XRCC4: variants seen among roughly 807,000 people sequenced by gnomAD.
The protein encoded by XRCC4 is DNA repair protein XRCC4.
Under a neutral mutation model 39.1 loss-of-function variants are expected in XRCC4, and 28 were observed. The ratio of observed to expected loss-of-function variants is 0.72; its 90% CI spans 0.53 to 0.98. The LOEUF (loss-of-function observed/expected upper bound fraction) is 0.98, where lower values mean the gene tolerates loss of function less well. XRCC4 is among the 50% of genes least tolerant of loss of function. The pLI, the probability that XRCC4 is intolerant of heterozygous loss-of-function variation, is 0.00. For synonymous variants in XRCC4, 123 were observed against 126.4 expected (o/e 0.97, Z 0.18); for missense variants, 350 against 376.4 (o/e 0.93, Z 0.58).
chr5:83,166,876 T>C (rs1749505582), intron 3 of XRCC4, among the ~76,000 whole-genome samples: 1 of 151,818 alleles, frequency 6.6e-6, no homozygotes, highest in Admixed American at 6.6e-5. Flanking sequence ...TCATTGTGGG[T>C]TTTGGGTTTT....
intron 7 of XRCC4, among the ~76,000 whole-genome samples, chr5:83,352,726 A>G (rs1757116639): frequency 6.6e-6 from 1 of 152,228 alleles, no homozygotes; most frequent in Non-Finnish European, 1.5e-5. Context: ...TCTGCTGCTA[A>G]GAGATTAAAA....
At chr5:83,171,976 C>G (rs919757408) in intron 3 of XRCC4, among the ~76,000 whole-genome samples, 4 of 152,106 alleles carry the variant, frequency 2.6e-5, no homozygotes, top group African/African-American at 9.7e-5. Context: ...GCAATATGGA[C>G]AAAATATGTT....
chr5:83,291,046 G>T (rs1254195734), intron 7 of XRCC4, among the ~76,000 whole-genome samples: 1 of 151,770 alleles, frequency 6.6e-6, no homozygotes, highest in Admixed American at 6.6e-5. Flanking sequence ...AACTTTGCTG[G>T]TATCTTGTAA....
At chr5:83,314,220 T>C (rs549965015) in intron 7 of XRCC4, among the ~76,000 whole-genome samples, 17 of 152,260 alleles carry the variant, frequency 1.1e-4, no homozygotes, top group Non-Finnish European at 2.1e-4. Context: ...AAATAAATTA[T>C]AACCCTTTCT....
chr5:83,296,504 C>T (rs897419000), intron 7 of XRCC4, among the ~76,000 whole-genome samples: 1 of 152,112 alleles, frequency 6.6e-6, no homozygotes, highest in African/African-American at 2.4e-5. Context: ...GTATCATTTA[C>T]ACTAGCCAGA....
intron 2 of XRCC4, among the ~76,000 whole-genome samples, chr5:83,107,359 A>G (rs1409947646): frequency 6.6e-6 from 1 of 151,422 alleles, no homozygotes; most frequent in East Asian, 2.0e-4. Flanking sequence ...ATGGAAACGG[A>G]TTTCCTTCCG....
At position 83,352,611 on chromosome 5, in the gene XRCC4, G is replaced by T. The variant is rs114618916; in HGVS notation, c.894-520G>T. Reference sequence around the variant, plus strand: ...TATGCAGATTCAATAAATGATTATGGACCAACATTTCATCAGCAACTGCTA... The same window carrying T: ...TATGCAGATTCAATAAATGATTATGTACCAACATTTCATCAGCAACTGCTA... On this transcript the variant is annotated intron_variant, in intron 7 of 7. Coordinates refer to ENST00000396027, the MANE Select transcript of XRCC4 (RefSeq NM_003401.5). 2.4e-3 allele frequency among the ~76,000 whole-genome samples: 361 copies of T among 152,182 alleles called. 2 individuals are homozygous for T. The highest frequency in any genetic ancestry group is 7.1e-3 in the African/African-American group (296 of 41,512).
chr5:83,277,487 G>A (rs1021349560), intron 7 of XRCC4, among the ~76,000 whole-genome samples: 2 of 152,186 alleles, frequency 1.3e-5, no homozygotes, highest in African/African-American at 2.4e-5. Flanking sequence ...AAAAATTAAA[G>A]CTTTGTCATT....
chr5:83,157,250 A>C (rs1419842096), intron 3 of XRCC4, among the ~76,000 whole-genome samples: 1 of 152,086 alleles, frequency 6.6e-6, no homozygotes, highest in Non-Finnish European at 1.5e-5. Context: ...CATTCAGTGG[A>C]AGGTCTCTGT....
chr5:83,214,889 G>T (rs187710566), intron 6 of XRCC4, among the ~76,000 whole-genome samples: 2 of 149,622 alleles, frequency 1.3e-5, no homozygotes, highest in Non-Finnish European at 3.0e-5. Context: ...TTAAGGAAAA[G>T]AATTGCCTTC....
intron 6 of XRCC4, among the ~76,000 whole-genome samples, chr5:83,216,587 T>G (rs1289105255): frequency 6.6e-6 from 1 of 152,162 alleles, no homozygotes; most frequent in Non-Finnish European, 1.5e-5. Flanking sequence ...GGTGAAACGT[T>G]AAATAAAATG....
At chr5:83,134,593 A>C (rs1413116495) in intron 3 of XRCC4, among the ~76,000 whole-genome samples, 1 of 152,180 alleles carries the variant, frequency 6.6e-6, no homozygotes, top group Non-Finnish European at 1.5e-5. Context: ...AAATTGACCA[A>C]TCAGTTCTCT....
rs2112303619 is a variant in XRCC4 at position 83,088,077 on chromosome 5, C to G, written c.-11+10462C>G. 1.3e-5 allele frequency among the ~76,000 whole-genome samples: 2 copies of G among 152,232 alleles called. 1 individual carries two copies. Among genetic ancestry groups the G allele is most frequent in the South Asian group, 4.2e-4 (2 of 4,814 alleles). On this transcript the variant is annotated intron_variant, in intron 1 of 7. Transcript: ENST00000396027. ...TTTTCTGAACATTGGATTCCTCAGG[C>G]AAACCTTCTCTTATACCTCTTATTT...
At chr5:83,133,357 G>T (rs1747703692) in intron 3 of XRCC4, among the ~76,000 whole-genome samples, 1 of 152,190 alleles carries the variant, frequency 6.6e-6, no homozygotes, top group Admixed American at 6.5e-5. Context: ...TGAGGAGGCA[G>T]TCTGTCCATT....
intron 7 of XRCC4, among the ~76,000 whole-genome samples, chr5:83,316,161 A>G (rs371247400): frequency 5.3e-5 from 8 of 152,114 alleles, no homozygotes; most frequent in Admixed American, 2.0e-4. Flanking sequence ...TGGTAGAAGC[A>G]GCAGGAGAAC....
chr5:83,362,266 A>C, the XRCC4 span, among the ~76,000 whole-genome samples: 1 of 148,644 alleles, frequency 6.7e-6, no homozygotes, highest in African/African-American at 2.5e-5. Context: ...TTTAGAGGAA[A>C]ACATTGTCTG....
At chr5:83,364,091 G>C in the XRCC4 span, among the ~76,000 whole-genome samples, 1 of 152,198 alleles carries the variant, frequency 6.6e-6, no homozygotes, top group Admixed American at 6.5e-5. Flanking sequence ...CATTGTGAAA[G>C]AGGGGCTTAA....
chr5:83,132,826 A>G (rs900938873), intron 3 of XRCC4, among the ~76,000 whole-genome samples: 1 of 152,046 alleles, frequency 6.6e-6, no homozygotes, highest in Admixed American at 6.6e-5. Flanking sequence ...ATGGATTCAA[A>G]CATCCTCCTT....
intron 7 of XRCC4, among the ~76,000 whole-genome samples, chr5:83,263,859 A>G (rs1753855937): frequency 6.6e-6 from 1 of 151,250 alleles, no homozygotes; most frequent in Non-Finnish European, 1.5e-5. Context: ...ATTAGATCCC[A>G]TTTGTCAATT....
Sources: allele counts gnomAD v4.1 joint callset (sites outside exome capture counted in the v4.1 genomes callset), GRCh38; gene constraint gnomAD v4.1.1; transcripts MANE v1.5; gene names NCBI Gene and HGNC (gene_info 2026-07-23, HGNC 2026-07-21).